MAGI1: variants seen among roughly 807,000 people sequenced by gnomAD.
MAGI1 encodes membrane associated guanylate kinase, WW and PDZ domain containing 1.
In MAGI1, 58 loss-of-function variants were observed where a neutral mutation model predicts 139.9. The observed-to-expected ratio is 0.41, with a 90% confidence interval of 0.34 to 0.52. The LOEUF (loss-of-function observed/expected upper bound fraction) is 0.52. MAGI1 is among the 20% of genes least tolerant of loss of function. The pLI is 0.12. For synonymous variants in MAGI1, 812 were observed against 737.9 expected (o/e 1.10, Z -1.63); for missense variants, 1,874 against 1,901.6 (o/e 0.99, Z 0.27).
chr3:65,978,621 C>CTTTTTTTTTTTTTTTTTTTTT (rs373662388), intron 1 of MAGI1, among the ~76,000 whole-genome samples: 2 of 129,170 alleles, frequency 1.5e-5, no homozygotes, highest in Non-Finnish European at 3.1e-5. Context: ...CTCAAAATTT[C>CTTTTTTTTTTTTTTTTTTTTT]TTTTTTTTTT....
intron 9 of MAGI1, among the ~76,000 whole-genome samples, chr3:65,437,756 A>T (rs1436597564): frequency 6.6e-6 from 1 of 152,196 alleles, no homozygotes; most frequent in Non-Finnish European, 1.5e-5. Flanking sequence ...AAGGCCAGAC[A>T]TAACTCACAG....
chr3:65,649,530 C>G (rs890042567), intron 1 of MAGI1, among the ~76,000 whole-genome samples: 5 of 152,020 alleles, frequency 3.3e-5, no homozygotes, highest in African/African-American at 1.2e-4. Flanking sequence ...TTTTTTCCTG[C>G]AATAGGCTCT....
intron 1 of MAGI1, among the ~76,000 whole-genome samples, chr3:65,856,881 C>T (rs1012058922): frequency 1.3e-5 from 2 of 152,168 alleles, no homozygotes; most frequent in Non-Finnish European, 2.9e-5. Flanking sequence ...AGACGCCTAA[C>T]GGAAGGGGAA....
intron 1 of MAGI1, among the ~76,000 whole-genome samples, chr3:65,795,305 G>A (rs1336547832): frequency 2.0e-5 from 3 of 151,966 alleles, no homozygotes; most frequent in Non-Finnish European, 4.4e-5. Context: ...TAGCTGAGTG[G>A]CTAAAAAAAA....
At chr3:65,899,422 C>T (rs1182139037) in intron 1 of MAGI1, among the ~76,000 whole-genome samples, 1 of 152,132 alleles carries the variant, frequency 6.6e-6, no homozygotes, top group Non-Finnish European at 1.5e-5. Flanking sequence ...AGAAATCAGA[C>T]TTATCAAGAA....
intron 3 of MAGI1, among the ~76,000 whole-genome samples, chr3:65,485,297 T>C (rs1293002317): frequency 6.6e-6 from 1 of 152,308 alleles, no homozygotes; most frequent in East Asian, 1.9e-4. Context: ...AAATAGGATG[T>C]TCATGCACAG....
At chr3:65,777,854 A>C (rs753274366) in intron 1 of MAGI1, among the ~76,000 whole-genome samples, 13 of 152,144 alleles carry the variant, frequency 8.5e-5, no homozygotes, top group Non-Finnish European at 1.8e-4. Flanking sequence ...TGAAAGATTA[A>C]ATTAAATTAT....
Position 65,623,141 on chromosome 3 carries a change from G to A in MAGI1, c.314-1053C>T, listed in dbSNP as rs377381061. ...ATGTACAAAAAAGGACTTGAGCTGGGGATAAATAAGTAGACTTCACTCTTC... is the reference window on the plus strand; with the variant it reads ...ATGTACAAAAAAGGACTTGAGCTGGAGATAAATAAGTAGACTTCACTCTTC... On this transcript the variant is annotated intron_variant, in intron 1 of 22. Coordinates refer to ENST00000402939, the MANE Select transcript of MAGI1 (RefSeq NM_001033057.2). 4.5e-4 allele frequency among the ~76,000 whole-genome samples: 69 copies of A among 152,254 alleles called. 3 individuals are homozygous for A. In the South Asian group the frequency reaches 0.014, roughly 31 times the overall value.
At chr3:65,474,827 C>T (rs767010630) in intron 4 of MAGI1, among the ~76,000 whole-genome samples, 7 of 152,158 alleles carry the variant, frequency 4.6e-5, no homozygotes, top group Non-Finnish European at 7.3e-5. Context: ...AAATAGCATA[C>T]TAGGTGTGCA....
chr3:65,508,739 T>C (rs1253062884), intron 2 of MAGI1, among the ~76,000 whole-genome samples: 3 of 152,298 alleles, frequency 2.0e-5, no homozygotes, highest in East Asian at 3.9e-4. Flanking sequence ...ATGGATACCT[T>C]TGTTGTGACA....
intron 2 of MAGI1, among the ~76,000 whole-genome samples, chr3:65,524,594 T>C (rs917352509): frequency 2.0e-5 from 3 of 152,134 alleles, no homozygotes; most frequent in African/African-American, 7.2e-5. Context: ...GTAGAAACAA[T>C]GAATAAATGC....
chr3:65,768,115 T>G (rs967482909), intron 1 of MAGI1, among the ~76,000 whole-genome samples: 3 of 152,146 alleles, frequency 2.0e-5, no homozygotes, highest in African/African-American at 7.2e-5. Flanking sequence ...TTTACACAAG[T>G]TGCTTAAAAA....
At chr3:65,516,918 C>T (rs13064940) in intron 2 of MAGI1, among the ~76,000 whole-genome samples, 34,005 of 149,082 alleles carry the variant, frequency 0.23, 4,041 homozygotes, top group Middle Eastern at 0.3. Flanking sequence ...TTAGTAGAGA[C>T]GGGGTTTCAC....
At chr3:65,452,016 C>T (rs926331830) in intron 6 of MAGI1, among the ~76,000 whole-genome samples, 6 of 152,210 alleles carry the variant, frequency 3.9e-5, no homozygotes, top group East Asian at 1.9e-4. Context: ...ACATGTTAAA[C>T]AGAATACTGA....
chr3:65,974,497 G>C (rs942727126), intron 1 of MAGI1, among the ~76,000 whole-genome samples: 7 of 152,112 alleles, frequency 4.6e-5, no homozygotes, highest in Non-Finnish European at 1.0e-4. Flanking sequence ...TGTGTAACAA[G>C]TAACCCCAGT....
intron 1 of MAGI1, among the ~76,000 whole-genome samples, chr3:66,000,285 T>A (rs1270707470): frequency 6.6e-6 from 1 of 152,112 alleles, no homozygotes; most frequent in African/African-American, 2.4e-5. Context: ...CCTTGTTCCC[T>A]TTTAATGATA....
At chr3:65,608,499 A>G (rs1219367297) in intron 2 of MAGI1, among the ~76,000 whole-genome samples, 1 of 152,202 alleles carries the variant, frequency 6.6e-6, no homozygotes, top group African/African-American at 2.4e-5. Flanking sequence ...TTCATGAAAG[A>G]GGATATCCAA....
intron 1 of MAGI1, among the ~76,000 whole-genome samples, chr3:65,895,925 T>TA (rs1201534727): frequency 6.6e-6 from 1 of 152,198 alleles, no homozygotes; most frequent in African/African-American, 2.4e-5. Context: ...TACAAGCAGA[T>TA]AGATACCCAG....
chr3:65,550,323 G>A (rs1254993023), intron 2 of MAGI1, among the ~76,000 whole-genome samples: 2 of 152,114 alleles, frequency 1.3e-5, no homozygotes, highest in Non-Finnish European at 2.9e-5. Flanking sequence ...CAATGCCCCA[G>A]GTCAGTCCAA....
Sources: allele counts gnomAD v4.1 joint callset (sites outside exome capture counted in the v4.1 genomes callset), GRCh38; gene constraint gnomAD v4.1.1; transcripts MANE v1.5; gene names NCBI Gene and HGNC (gene_info 2026-07-23, HGNC 2026-07-21).